DLGAP1: variants seen among roughly 807,000 people sequenced by gnomAD.
The protein encoded by DLGAP1 is DLG associated protein 1.
In DLGAP1, 11 loss-of-function variants were observed where a neutral mutation model predicts 90.8. The ratio of observed to expected loss-of-function variants is 0.12; its 90% confidence interval spans 0.08 to 0.20. The LOEUF is 0.20. DLGAP1 is among the 10% of genes least tolerant of loss of function. The pLI, the probability that DLGAP1 is intolerant of heterozygous loss-of-function variation, is 1.00. For missense variants in DLGAP1, 1,050 were observed against 1,333.8 expected (o/e 0.79, Z 3.31); for synonymous variants, 558 against 540.7 (o/e 1.03, Z -0.44).
chr18:3,907,785 G>C (rs1452689554), intron 3 of DLGAP1, among the ~76,000 whole-genome samples: 1 of 152,192 alleles, frequency 6.6e-6, no homozygotes, highest in Non-Finnish European at 1.5e-5. Flanking sequence ...AGGTGCCAAC[G>C]ACCAGGAGGG....
intron 8 of DLGAP1, 68 bp from the exon 9 acceptor site, chr18:3,567,649 A>T (rs1005593991): frequency 7.3e-7 from 1 of 1,376,800 alleles, no homozygotes; most frequent in African/African-American, 1.4e-5. Flanking sequence ...CAAACATCAC[A>T]TTTTATGAGA....
chr18:3,635,132 ATTTTT>A (rs149375716), intron 7 of DLGAP1, among the ~76,000 whole-genome samples: 1 of 140,238 alleles, frequency 7.1e-6, no homozygotes, highest in Non-Finnish European at 1.6e-5. Flanking sequence ...TGTCTGTCCC[ATTTTT>A]TTTTTTTTTT....
chr18:4,231,138 T>C (rs1339554391), intron 1 of DLGAP1, among the ~76,000 whole-genome samples: 1 of 152,080 alleles, frequency 6.6e-6, no homozygotes, highest in East Asian at 1.9e-4. Flanking sequence ...AAGAAATAAA[T>C]GTCATATTCA....
rs77568329 is a variant in DLGAP1 at position 3,932,359 on chromosome 18, T to C, written c.-72-52219A>G. On this transcript the variant is annotated intron_variant, in intron 3 of 12. Transcript: ENST00000315677. ...TTTTTCCCTCTAGACAGCCGGCCAA[T>C]AACATCAACAAAAAGTGCCTCATGT... Among the ~76,000 whole-genome samples the C allele has an allele frequency of 8.6e-3, 1,305 of 152,194 alleles. 18 individuals are homozygous for C. Among genetic ancestry groups the C allele is most frequent in the South Asian group, 0.028 (133 of 4,818 alleles).
chr18:3,580,464 G>T lies in DLGAP1; in HGVS notation c.1965+1411C>A, dbSNP rs947064372. The T allele has an allele frequency of 4.3e-6, 7 of 1,610,824 alleles. No homozygotes were observed. The African/African-American group carries it at 8.0e-5, about 18-fold the overall frequency. ...TACACCTCTGCCAGCTCCCTCAGCC[G>T]CCACCTCTTCATTGTCCACAAGGTG... On this transcript the variant is annotated intron_variant, in intron 8 of 12. Coordinates refer to ENST00000315677, the MANE Select transcript of DLGAP1 (RefSeq NM_004746.4).
At chr18:4,436,210 C>CT (rs1008953299) in intron 1 of DLGAP1, among the ~76,000 whole-genome samples, 2 of 151,650 alleles carry the variant, frequency 1.3e-5, no homozygotes, top group Non-Finnish European at 2.9e-5. Context: ...TTTCTTTTTT[C>CT]TTTTTTTTCT....
At chr18:3,652,024 C>T (rs929743074) in intron 7 of DLGAP1, among the ~76,000 whole-genome samples, 21 of 151,632 alleles carry the variant, frequency 1.4e-4, no homozygotes, top group East Asian at 5.8e-4. Flanking sequence ...GTTAGCCGGG[C>T]GTGGTGGCGC....
chr18:4,345,826 T>C (rs1243674510), intron 1 of DLGAP1, among the ~76,000 whole-genome samples: 1 of 152,238 alleles, frequency 6.6e-6, no homozygotes, highest in African/African-American at 2.4e-5. Flanking sequence ...AGCAGAAATA[T>C]TTCAGATCAG....
chr18:3,812,562 T>C (rs1000175087), intron 5 of DLGAP1, among the ~76,000 whole-genome samples: 22 of 152,220 alleles, frequency 1.4e-4, no homozygotes, highest in Middle Eastern at 3.4e-3. Context: ...GTAACACATG[T>C]AGTAATAAAG....
At chr18:4,310,912 G>GGCCTTACAGAACACCGTAGGT (rs1171384302) in intron 1 of DLGAP1, among the ~76,000 whole-genome samples, 1 of 152,094 alleles carries the variant, frequency 6.6e-6, no homozygotes, top group South Asian at 2.1e-4. Flanking sequence ...TTGTTTAGAA[G>GGCCTTACAGAACACCGTAGGT]GCCTTACAGA....
Position 3,557,335 on chromosome 18 carries a change from T to C in DLGAP1, c.2057+10155A>G, listed in dbSNP as rs138596838. Among the ~76,000 whole-genome samples, 1,164 of 151,966 alleles carry C rather than the reference T, an allele frequency of 7.7e-3. 20 individuals are homozygous for C. The highest frequency in any genetic ancestry group is 0.026 in the African/African-American group (1,096 of 41,442). On this transcript the variant is annotated intron_variant, in intron 9 of 12. Coordinates refer to ENST00000315677, the MANE Select transcript of DLGAP1 (RefSeq NM_004746.4). ...AGGAGTTTGACACCAGCCTGGCCAA[T>C]ATGGTGAAACTCCGTCTCTACTAAA...
chr18:4,369,474 T>C (rs995442481), intron 1 of DLGAP1, among the ~76,000 whole-genome samples: 2 of 152,186 alleles, frequency 1.3e-5, no homozygotes, highest in Non-Finnish European at 2.9e-5. Context: ...TCTTTTTTTT[T>C]AAATTTAAAT....
chr18:3,892,158 CACACACACA>C (rs2071485969), intron 3 of DLGAP1, among the ~76,000 whole-genome samples: 1 of 140,482 alleles, frequency 7.1e-6, no homozygotes, highest in Non-Finnish European at 1.5e-5. Context: ...CACACACACA[CACACACACA>C]GTCTTTCATA....
At position 3,543,094 on chromosome 18, in the gene DLGAP1, A is replaced by G. The variant is rs917986422; in HGVS notation, c.2058-8479T>C. On this transcript the variant is annotated intron_variant, in intron 9 of 12. Coordinates refer to ENST00000315677, the MANE Select transcript of DLGAP1 (RefSeq NM_004746.4). Reference sequence around the variant, plus strand: ...TAATAGTAGTCAACTCCCAAATTTTAGAGACAGAGAGGTAAAGCGACTTTC... The same window carrying G: ...TAATAGTAGTCAACTCCCAAATTTTGGAGACAGAGAGGTAAAGCGACTTTC... 2.0e-5 allele frequency among the ~76,000 whole-genome samples: 3 copies of G among 152,204 alleles called. No individual in the cohort carries two copies. In the South Asian group the frequency reaches 6.2e-4, roughly 31 times the overall value.
chr18:4,452,969 T>C (rs2083871126), intron 1 of DLGAP1, among the ~76,000 whole-genome samples: 1 of 152,196 alleles, frequency 6.6e-6, no homozygotes, highest in Non-Finnish European at 1.5e-5. Context: ...CAGACTAATC[T>C]TAGAATGAAA....
At chr18:4,288,459 A>T (rs76360304) in intron 1 of DLGAP1, among the ~76,000 whole-genome samples, 1 of 152,150 alleles carries the variant, frequency 6.6e-6, no homozygotes, top group Non-Finnish European at 1.5e-5. Context: ...GTTTCTTCAA[A>T]GAACTCAAAA....
chr18:3,603,829 A>C (rs150225865), intron 7 of DLGAP1: 139 of 154,440 alleles, frequency 9.0e-4, no homozygotes, highest in African/African-American at 3.1e-3. Flanking sequence ...CCTTTCAATA[A>C]ATCCAGCTCA....
chr18:3,587,818 AG>A (rs1224081660), intron 7 of DLGAP1, among the ~76,000 whole-genome samples: 17 of 152,212 alleles, frequency 1.1e-4, no homozygotes, highest in Non-Finnish European at 5.9e-5. Flanking sequence ...ACTCACCATG[AG>A]GGTCCGCGGC....
chr18:4,097,525 C>T (rs2075703403), intron 2 of DLGAP1, among the ~76,000 whole-genome samples: 1 of 152,206 alleles, frequency 6.6e-6, no homozygotes, highest in African/African-American at 2.4e-5. Context: ...CTTCTGCCTC[C>T]AGACACCTCA....
Sources: allele counts gnomAD v4.1 joint callset (sites outside exome capture counted in the v4.1 genomes callset), GRCh38; gene constraint gnomAD v4.1.1; transcripts MANE v1.5; gene names NCBI Gene and HGNC (gene_info 2026-07-23, HGNC 2026-07-21).